FADS6: variants seen among roughly 807,000 people sequenced by gnomAD.
FADS6 encodes the protein fatty acid desaturase domain family, member 6.
Under a neutral mutation model 31.7 loss-of-function variants are expected in FADS6, and 28 were observed. The observed-to-expected ratio is 0.88, with a 90% CI of 0.66 to 1.21. FADS6 has a LOEUF of 1.21. Among genes scored for constraint, FADS6 ranks in the 50% most tolerant of loss-of-function variants. The probability of loss-of-function intolerance (pLI) is 0.00; values close to 1 mark genes in which losing one functional copy is unlikely to be tolerated. For missense variants in FADS6, 494 were observed against 504.2 expected, an observed-to-expected ratio of 0.98 and a Z score of 0.19; for synonymous variants, 191 against 213.1, an observed-to-expected ratio of 0.90 and a Z score of 0.90.
intron 5 of FADS6, 101 bp from the exon 6 acceptor site, chr17:74,878,578 C>G (rs941643668): frequency 7.1e-7 from 1 of 1,413,720 alleles, no homozygotes. Flanking sequence ...ACCCCCAGTT[C>G]CTATCGGCCT....
At chr17:74,889,894 A>AAAAAAC in intron 2 of FADS6, among the ~76,000 whole-genome samples, 1 of 151,044 alleles carries the variant, frequency 6.6e-6, no homozygotes, top group African/African-American at 2.4e-5. Flanking sequence ...AAAAAAAAAA[A>AAAAAAC]AGACAAAGCA....
chr17:74,893,398 G>A lies in FADS6; in HGVS notation c.198C>T (p.Gly66=), dbSNP rs188462151. ...VRTSSWWERH[G]VDCAILALSL... ...TGAGCGCGAGGATGGCGCAGTCCAC[G>A]CCGTGGCGCTCCCACCAGGAGCTCG... The change falls in exon 1 of 6, where the codon GGC becomes GGT. Residue 66 remains glycine (G), a synonymous_variant. Coordinates refer to ENST00000612771, the MANE Select transcript of FADS6 (RefSeq NM_178128.6). The A allele has an allele frequency of 6.5e-6, 10 of 1,542,932 alleles. No individual in the cohort carries two copies. In the South Asian group the frequency reaches 1.2e-4, roughly 19 times the overall value.
At position 74,878,187 on chromosome 17, in the gene FADS6, A is replaced by G; in HGVS notation, c.*144T>C. 7.0e-7 allele frequency: 1 copy of G among 1,433,312 alleles called. No individual in the cohort carries two copies. Among genetic ancestry groups the G allele is most frequent in the South Asian group, 1.5e-5 (1 of 66,828 alleles). 88.8% of individuals were successfully genotyped at this position (1,433,312 alleles called of 1,614,324 possible). On this transcript the variant is annotated 3_prime_UTR_variant, in exon 6 of 6. Transcript: ENST00000612771. ...AGGTGGCCCCCAGACCCCAGGCCTG[A>G]GCTCCCCTGCCCCCCTGCCTGGCCG... is the stretch of plus-strand genomic sequence containing the variant.
Position 74,877,955 on chromosome 17 carries a change from C to T in FADS6, c.*376G>A. ...GCTGACCCTGTTCTCTCTGTGCCCC[C>T]TGCTATCTCCCAGGTGGCCCCTGCA... On this transcript the variant is annotated 3_prime_UTR_variant, in exon 6 of 6. Coordinates refer to ENST00000612771, the MANE Select transcript of FADS6 (RefSeq NM_178128.6). 3 of 1,008,592 alleles carry T rather than the reference C, an allele frequency of 3.0e-6. 1 individual carries two copies. The highest frequency in any genetic ancestry group is 8.8e-5 in the South Asian group (2 of 22,854). The allele number at this position is 1,008,592 out of a possible 1,614,324, so 62.5% of individuals were successfully genotyped here. A position where few individuals can be genotyped will look rare whatever the true frequency, so the allele number is the denominator to read the frequency against.
At position 74,882,716 on chromosome 17, in the gene FADS6, G is replaced by C. The variant is rs1336916838; in HGVS notation, c.412-6C>G. 4.4e-6 allele frequency: 7 copies of C among 1,606,298 alleles called. No individual in the cohort carries two copies. The highest frequency in any genetic ancestry group is 2.2e-5 in the East Asian group (1 of 44,722). ...GCAGTGAAGGCTGTGCACACCTAGAGGAGGGAACCAGAAATGACACTGGGG... is the reference window on the plus strand; with the variant it reads ...GCAGTGAAGGCTGTGCACACCTAGACGAGGGAACCAGAAATGACACTGGGG... On this transcript the variant is annotated splice_region_variant and splice_polypyrimidine_tract_variant and intron_variant, in intron 2 of 5. Coordinates refer to ENST00000612771, the MANE Select transcript of FADS6 (RefSeq NM_178128.6).
intron 3 of FADS6, among the ~76,000 whole-genome samples, chr17:74,881,571 C>G (rs2038569588): frequency 6.6e-6 from 1 of 152,008 alleles, no homozygotes; most frequent in Admixed American, 6.6e-5. Context: ...TCGTGGCGCA[C>G]ACCTGTGGTC....
rs112122844 is a variant in FADS6 at position 74,884,298 on chromosome 17, C to T, written c.412-1588G>A. On this transcript the variant is annotated intron_variant, in intron 2 of 5. Transcript: ENST00000612771. The stretch of plus-strand genomic sequence containing the variant: ...GAGGACTTGCACCTGGAGACTTGTA[C>T]GCTCCCTGAGCAAGACTGACAGGTG... Among the ~76,000 whole-genome samples, 39 of 152,300 alleles carry T rather than the reference C, an allele frequency of 2.6e-4. 1 individual carries two copies. The highest frequency in any genetic ancestry group is 8.9e-4 in the African/African-American group (37 of 41,556).
Position 74,878,002 on chromosome 17 carries a change from C to T in FADS6, c.*329G>A, listed in dbSNP as rs562885826. 29 of 1,074,580 alleles carry T rather than the reference C, an allele frequency of 2.7e-5. No individual in the cohort carries two copies. In the East Asian group the frequency reaches 2.1e-3, roughly 76 times the overall value. 66.6% of individuals were successfully genotyped at this position (1,074,580 alleles called of 1,614,324 possible). ...TGCACAGGATCCCTCTTCACCCTGT[C>T]ACCTCCCTTTAACCCTACCAAGGCT... On this transcript the variant is annotated 3_prime_UTR_variant, in exon 6 of 6. Transcript: ENST00000612771.
Position 74,881,271 on chromosome 17 carries a change from G to A in FADS6, c.593-16C>T, listed in dbSNP as rs1423531265. ...CTCAGCCGCTCTGCCATAGAGGGAG[G>A]GGACAGGCAAGGCTCAGATCCATCA... On this transcript the variant is annotated splice_polypyrimidine_tract_variant and intron_variant, in intron 3 of 5. Transcript: ENST00000612771. 6.3e-7 allele frequency: 1 copy of A among 1,579,728 alleles called. No homozygotes were observed. Among genetic ancestry groups the A allele is most frequent in the East Asian group, 2.3e-5 (1 of 43,572 alleles).
chr17:74,882,594 G>A lies in FADS6; in HGVS notation c.528C>T (p.Asn176=), dbSNP rs768616673. 4.3e-6 allele frequency: 7 copies of A among 1,611,790 alleles called. No individual in the cohort carries two copies. In the African/African-American group the frequency reaches 9.3e-5, roughly 22 times the overall value. Residue 176 remains asparagine, a synonymous_variant, in exon 3 of 6, where the codon AAC becomes AAT. Coordinates refer to ENST00000612771, the MANE Select transcript of FADS6 (RefSeq NM_178128.6). ...GAGCAAGGAACATGTAGACATAGCG[G>A]TTGAGGCAAGGCAGCCTCCACGTGC... ...DSSTWRLPCL[N]RYVYMFLAPF...
chr17:74,891,009 C>T (rs779562574), intron 2 of FADS6, among the ~76,000 whole-genome samples: 2 of 152,120 alleles, frequency 1.3e-5, no homozygotes, highest in African/African-American at 2.4e-5. Flanking sequence ...TACCTCTGTG[C>T]AATAAATGCC....
chr17:74,886,463 A>T (rs1360751722), intron 2 of FADS6, among the ~76,000 whole-genome samples: 36 of 20,824 alleles, frequency 1.7e-3, no homozygotes, highest in Non-Finnish European at 3.3e-3. Context: ...CTGTCTAAAA[A>T]AAAAAAAAAA....
chr17:74,875,998 C>T (rs992446549), downstream of FADS6, among the ~76,000 whole-genome samples: 26 of 152,192 alleles, frequency 1.7e-4, no homozygotes, highest in African/African-American at 4.6e-4. Context: ...CCACTACCAC[C>T]GCAAGCCTGG....
chr17:74,888,745 G>A (rs970715498), intron 2 of FADS6, among the ~76,000 whole-genome samples: 1 of 152,204 alleles, frequency 6.6e-6, no homozygotes, highest in African/African-American at 2.4e-5. Context: ...TCCCACTCAG[G>A]GGAGCATCTT....
chr17:74,886,998 C>A (rs556068304), intron 2 of FADS6, among the ~76,000 whole-genome samples: 12 of 151,594 alleles, frequency 7.9e-5, no homozygotes, highest in Non-Finnish European at 1.6e-4. Context: ...CGACATTTAG[C>A]AATGTCCCTG....
At chr17:74,881,921 T>C (rs1407825780) in intron 3 of FADS6, among the ~76,000 whole-genome samples, 1 of 151,730 alleles carries the variant, frequency 6.6e-6, no homozygotes, top group African/African-American at 2.4e-5. Context: ...GTATTATTTG[T>C]GCAAGGCATC....
chr17:74,876,641 C>CA (rs2038510106), downstream of FADS6, among the ~76,000 whole-genome samples: 1 of 152,040 alleles, frequency 6.6e-6, no homozygotes, highest in Non-Finnish European at 1.5e-5. Flanking sequence ...TACTAAAATA[C>CA]AAAAAATTAG....
Position 74,879,468 on chromosome 17 carries a change from G to C in FADS6, c.896C>G (p.Ser299Trp), listed in dbSNP as rs763669924. Residue 299 changes from serine (S) to tryptophan (W), a missense_variant, in exon 5 of 6, where the codon TCG (serine) becomes TGG (tryptophan). Coordinates refer to ENST00000612771, the MANE Select transcript of FADS6 (RefSeq NM_178128.6). ...GTGTTCCACATGGCAGCTGATGATCGAGTGGCCGAACGCCCAGTCCAGCAC... is the reference window on the plus strand; with the variant it reads ...GTGTTCCACATGGCAGCTGATGATCCAGTGGCCGAACGCCCAGTCCAGCAC... ...LPVLDWAFGH[S>W]IISCHVEHHL... 2 of 1,613,934 alleles carry C rather than the reference G, an allele frequency of 1.2e-6. No individual in the cohort carries two copies. The highest frequency in any genetic ancestry group is 8.5e-7 in the Non-Finnish European group (1 of 1,179,902).
chr17:74,884,213 G>A (rs941520412), intron 2 of FADS6, among the ~76,000 whole-genome samples: 1 of 152,090 alleles, frequency 6.6e-6, no homozygotes. Context: ...TCCCAAAGGT[G>A]TCTAAAACAT....
Sources: gnomAD v4.1 joint callset for allele counts (sites outside exome capture counted in the v4.1 genomes callset) on GRCh38, gnomAD v4.1.1 for gene constraint, MANE v1.5 for transcripts, NCBI Gene and HGNC (gene_info 2026-07-23, HGNC 2026-07-21) for gene names.